The following ZNF324B variants were observed in gnomAD, a reference collection of about 807,000 sequenced individuals.
ZNF324B encodes zinc finger protein 324B.
ZNF324B carries 7 observed loss-of-function variants against 10.6 expected under a neutral mutation model. The ratio of observed to expected loss-of-function variants is 0.66; its 90% CI spans 0.38 to 1.24. The LOEUF (loss-of-function observed/expected upper bound fraction) is 1.24, where lower values mean the gene tolerates loss of function less well. Among genes scored for constraint, ZNF324B ranks in the 50% most tolerant of loss-of-function variants. The probability of loss-of-function intolerance (pLI) is 0.02; values close to 1 mark genes in which losing one functional copy is unlikely to be tolerated. For missense variants in ZNF324B, 640 were observed against 764.7 expected, an observed-to-expected ratio of 0.84 and a Z score of 1.92; for synonymous variants, 316 against 321.0, an observed-to-expected ratio of 0.98 and a Z score of 0.17.
At chr19:58,454,626 T>A (rs1372468199) in intron 3 of ZNF324B, 1 of 563,106 alleles carries the variant, frequency 1.8e-6, no homozygotes, top group Non-Finnish European at 3.1e-6. Flanking sequence ...AGGTATTTAT[T>A]TCGCCCATCA....
At chr19:58,452,394 C>G (rs1193111956) in intron 1 of ZNF324B, 1 of 152,072 alleles carries the variant, frequency 6.6e-6, no homozygotes, top group East Asian at 1.9e-4. Flanking sequence ...GACTTTAAAA[C>G]GGTTCCACCG....
At chr19:58,437,791 C>T in the ZNF324B span, 1 of 985,490 alleles carries the variant, frequency 1.0e-6, no homozygotes, top group Non-Finnish European at 1.2e-6. Flanking sequence ...AACCCCACTG[C>T]AAGAGGCAGT....
At chr19:58,431,896 G>A in the ZNF324B span, among the ~76,000 whole-genome samples, 2 of 152,096 alleles carry the variant, frequency 1.3e-5, no homozygotes, top group East Asian at 3.9e-4. Context: ...GGAGGCTGAG[G>A]CAGGAGAATG....
the ZNF324B span, among the ~76,000 whole-genome samples, chr19:58,425,788 GT>G: frequency 6.6e-6 from 1 of 152,082 alleles, no homozygotes; most frequent in East Asian, 1.9e-4. Flanking sequence ...TTTCTTTATA[GT>G]AACACAAAAA....
chr19:58,420,184 C>T, the ZNF324B span, among the ~76,000 whole-genome samples: 3,407 of 151,956 alleles, frequency 0.022, 110 homozygotes, highest in African/African-American at 0.077. Context: ...TTTGGGAGGC[C>T]GAGGCAGGTG....
rs1418489785 is a variant in ZNF324B at position 58,453,707 on chromosome 19, C to T, written c.6C>T (p.Thr2=). 14 of 1,614,070 alleles carry T rather than the reference C, an allele frequency of 8.7e-6. No homozygotes were observed. The highest frequency in any genetic ancestry group is 2.2e-5 in the East Asian group (1 of 44,898). ...CCCTGCTGTTTTAGGACCTGATGAC[C>T]TTCGAGGATGTGGCCGTGTACTTCT... M[T]FEDVAVYFSQ... The change falls in exon 2 of 4, where the codon ACC becomes ACT. Residue 2 remains threonine, a synonymous_variant. Transcript: ENST00000336614.
chr19:58,425,464 C>G, the ZNF324B span, among the ~76,000 whole-genome samples: 1 of 145,004 alleles, frequency 6.9e-6, no homozygotes, highest in Non-Finnish European at 1.5e-5. Context: ...TCCTTCCTTC[C>G]TTCTTTCCTT....
the ZNF324B span, among the ~76,000 whole-genome samples, chr19:58,425,046 G>A: frequency 6.6e-6 from 1 of 152,094 alleles, no homozygotes; most frequent in Admixed American, 6.6e-5. Context: ...ATGAGGTCAG[G>A]AGTTTGAAAC....
At chr19:58,454,981 G>A in intron 3 of ZNF324B, 1 of 754,692 alleles carries the variant, frequency 1.3e-6, no homozygotes, top group Non-Finnish European at 2.3e-6. Context: ...GATCATGGGA[G>A]TCCCCACTGC....
the ZNF324B span, among the ~76,000 whole-genome samples, chr19:58,431,998 A>G: frequency 8.5e-5 from 13 of 152,078 alleles, no homozygotes; most frequent in African/African-American, 2.7e-4. Context: ...CCATATCAAA[A>G]AAAAAAGGTG....
the ZNF324B span, chr19:58,434,795 G>A: frequency 1.9e-6 from 3 of 1,614,080 alleles, no homozygotes; most frequent in Non-Finnish European, 2.5e-6. Flanking sequence ...TATGGCTTCT[G>A]CCCACTGTCA....
chr19:58,456,301 T>C lies in ZNF324B; in HGVS notation c.1357T>C (p.Phe453Leu). 1.9e-6 allele frequency: 3 copies of C among 1,612,894 alleles called. No individual in the cohort carries two copies. The highest frequency in any genetic ancestry group is 2.5e-6 in the Non-Finnish European group (3 of 1,179,844). ...HQLLHTGERPFRCVDCGKGFA... is the reference protein window; with the variant it reads ...HQLLHTGERPLRCVDCGKGFA... ...GCTCCTGCACACGGGCGAGCGGCCC[T>C]TCCGCTGCGTGGACTGTGGCAAGGG... is the stretch of plus-strand genomic sequence containing the variant. Residue 453 changes from phenylalanine (F) to leucine (L), a missense_variant, in exon 4 of 4, where the codon TTC (phenylalanine) becomes CTC (leucine). Phe to Leu is a conservative substitution (Grantham distance 22). This residue lies in a region of ZNF324B where 238 missense variants were observed against 258.0 expected (regional missense o/e 0.92). Coordinates refer to ENST00000336614, the MANE Select transcript of ZNF324B (RefSeq NM_207395.3). This position sits in a 1 kb window ranked among gnomAD's most constrained non-coding sequence, Gnocchi z 4.7.
the ZNF324B span, chr19:58,433,866 G>A: frequency 6.2e-7 from 1 of 1,613,868 alleles, no homozygotes; most frequent in Non-Finnish European, 8.5e-7. Flanking sequence ...GGCTGGAGCT[G>A]CGGCTGAAGG....
At chr19:58,451,517 C>A (rs2052855818), upstream of ZNF324B, 6 of 461,938 alleles carry the variant, frequency 1.3e-5, no homozygotes, top group Non-Finnish European at 4.3e-6. Context: ...GCCTCCGCGC[C>A]GAAAAACAGG....
chr19:58,421,028 C>G, the ZNF324B span, among the ~76,000 whole-genome samples: 1 of 149,780 alleles, frequency 6.7e-6, no homozygotes, highest in African/African-American at 2.5e-5. Flanking sequence ...TAAAGACATA[C>G]GAGATGCTAA....
At chr19:58,425,780 T>A in the ZNF324B span, among the ~76,000 whole-genome samples, 1 of 152,144 alleles carries the variant, frequency 6.6e-6, no homozygotes, top group Non-Finnish European at 1.5e-5. Flanking sequence ...CTGAGATATT[T>A]CTTTATAGTA....
the ZNF324B span, chr19:58,441,028 A>C: frequency 6.6e-6 from 1 of 152,538 alleles, no homozygotes; most frequent in East Asian, 1.9e-4. Flanking sequence ...TTCAGAATCC[A>C]GTTTGTTGAG....
chr19:58,439,969 C>T, the ZNF324B span: 8 of 751,798 alleles, frequency 1.1e-5, no homozygotes, highest in African/African-American at 7.4e-5. Flanking sequence ...TATGGAGACC[C>T]TGGAGACGCG....
upstream of ZNF324B, among the ~76,000 whole-genome samples, chr19:58,450,609 G>A (rs79079332): frequency 9.6e-3 from 1,463 of 151,928 alleles, 25 homozygotes; most frequent in African/African-American, 0.034. Context: ...AAAAATTGTC[G>A]AGCTATCTTA....
Sources: gnomAD v4.1 joint callset for allele counts (sites outside exome capture counted in the v4.1 genomes callset) on GRCh38, gnomAD v4.1.1 for gene constraint, gnomAD v4.1.1 regional missense constraint, Gnocchi (gnomAD v3.1) non-coding constraint, MANE v1.5 for transcripts, NCBI Gene and HGNC (gene_info 2026-07-23, HGNC 2026-07-21) for gene names.